The following FGF14 variants were observed in gnomAD, a reference collection of about 807,000 sequenced individuals.
FGF14 encodes fibroblast growth factor homologous factor 4.
FGF14 carries 5 observed loss-of-function variants against 25.5 expected under a neutral mutation model. That is an observed-to-expected ratio of 0.20 (90% CI 0.10 to 0.41). The LOEUF (loss-of-function observed/expected upper bound fraction) is 0.41. Among genes scored for constraint, FGF14 ranks in the 10% least tolerant of loss-of-function variants. The pLI is 1.00. For missense variants in FGF14, 222 were observed against 320.1 expected, an observed-to-expected ratio of 0.69 and a Z score of 2.34; for synonymous variants, 138 against 118.3, an observed-to-expected ratio of 1.17 and a Z score of -1.08.
chr13:102,034,046 T>C (rs527993457), intron 1 of FGF14, among the ~76,000 whole-genome samples: 3 of 152,252 alleles, frequency 2.0e-5, no homozygotes, highest in Non-Finnish European at 2.9e-5. Flanking sequence ...TTTCAACAGC[T>C]GTGCCTCTCT....
At chr13:102,311,981 A>G (rs2138687868) in intron 1 of FGF14, among the ~76,000 whole-genome samples, 1 of 152,268 alleles carries the variant, frequency 6.6e-6, no homozygotes, top group East Asian at 1.9e-4. Context: ...TTAATGTTTC[A>G]TATTTATGGG....
At chr13:102,335,439 T>G (rs138593086) in intron 1 of FGF14, among the ~76,000 whole-genome samples, 56 of 151,572 alleles carry the variant, frequency 3.7e-4, no homozygotes, top group African/African-American at 1.3e-3. Flanking sequence ...TCAATAAGAG[T>G]AGTCTTTTGT....
chr13:102,195,052 C>T lies in FGF14; in HGVS notation c.208+206419G>A, dbSNP rs189987926. The stretch of plus-strand genomic sequence containing the variant: ...AATGAAAAAAAAAGTGAAGACATTG[C>T]CATATAAACAAATGGAAATAATTTG... On this transcript the variant is annotated intron_variant, in intron 1 of 4. Transcript: ENST00000376131. Among the ~76,000 whole-genome samples, 3 of 152,078 alleles carry T rather than the reference C, an allele frequency of 2.0e-5. No homozygotes were observed. In the East Asian group the frequency reaches 5.8e-4, roughly 29 times the overall value.
intron 1 of FGF14, among the ~76,000 whole-genome samples, chr13:102,173,017 G>A (rs1402574268): frequency 6.6e-6 from 1 of 152,100 alleles, no homozygotes; most frequent in Non-Finnish European, 1.5e-5. Context: ...GGCCAAATGG[G>A]CATATCAGCT....
intron 3 of FGF14, among the ~76,000 whole-genome samples, chr13:101,867,593 C>T (rs535736782): frequency 6.6e-6 from 1 of 151,952 alleles, no homozygotes; most frequent in Non-Finnish European, 1.5e-5. Flanking sequence ...GAAAGTAATC[C>T]TTTTCGTATT....
intron 1 of FGF14, among the ~76,000 whole-genome samples, chr13:102,234,626 T>G (rs1041914596): frequency 6.6e-6 from 1 of 152,204 alleles, no homozygotes; most frequent in African/African-American, 2.4e-5. Context: ...TTTCAACATT[T>G]TTTTCTGAAA....
At chr13:101,898,044 G>A (rs984562460) in intron 1 of FGF14, among the ~76,000 whole-genome samples, 13 of 151,828 alleles carry the variant, frequency 8.6e-5, no homozygotes, top group Non-Finnish European at 1.0e-4. Flanking sequence ...ACAGGTGTGT[G>A]CCACCACGTC....
At chr13:102,262,859 C>T (rs969093940) in intron 1 of FGF14, among the ~76,000 whole-genome samples, 6 of 152,220 alleles carry the variant, frequency 3.9e-5, no homozygotes, top group Non-Finnish European at 7.4e-5. Context: ...AAAGGTCTCA[C>T]GTATTTATTA....
At chr13:102,290,224 A>G (rs2054310773) in intron 1 of FGF14, among the ~76,000 whole-genome samples, 1 of 151,990 alleles carries the variant, frequency 6.6e-6, no homozygotes, top group Non-Finnish European at 1.5e-5. Flanking sequence ...CACAAATGGG[A>G]TTAGTGCCTT....
intron 1 of FGF14, among the ~76,000 whole-genome samples, chr13:101,903,637 G>A (rs1387142699): frequency 6.6e-6 from 1 of 152,122 alleles, no homozygotes; most frequent in Non-Finnish European, 1.5e-5. Context: ...TAGGGAAGGA[G>A]GGAGGGCTGT....
intron 1 of FGF14, among the ~76,000 whole-genome samples, chr13:101,989,741 C>G (rs1181288651): frequency 6.6e-6 from 1 of 152,106 alleles, no homozygotes; most frequent in Non-Finnish European, 1.5e-5. Flanking sequence ...AAGAGGTAAG[C>G]AAGCCTTCTG....
chr13:102,185,023 G>T (rs1372590708), intron 1 of FGF14, among the ~76,000 whole-genome samples: 2 of 151,924 alleles, frequency 1.3e-5, no homozygotes, highest in Admixed American at 1.3e-4. Flanking sequence ...TAATAATATA[G>T]GGAAATTTAA....
At chr13:101,824,463 G>C (rs2042306712) in intron 3 of FGF14, among the ~76,000 whole-genome samples, 1 of 152,068 alleles carries the variant, frequency 6.6e-6, no homozygotes, top group Admixed American at 6.6e-5. Context: ...CTCCTTTCTT[G>C]AGATGATGTC....
intron 1 of FGF14, among the ~76,000 whole-genome samples, chr13:102,077,082 A>G (rs1280465482): frequency 6.6e-6 from 1 of 152,200 alleles, no homozygotes; most frequent in African/African-American, 2.4e-5. Flanking sequence ...CCACATGCAG[A>G]AGGATAAAAT....
chr13:102,234,128 G>T (rs1275939421), intron 1 of FGF14, among the ~76,000 whole-genome samples: 1 of 152,106 alleles, frequency 6.6e-6, no homozygotes, highest in Non-Finnish European at 1.5e-5. Flanking sequence ...GGTGGTGATG[G>T]TTGTACACAT....
Position 102,327,803 on chromosome 13 carries a change from C to T in FGF14, c.208+73668G>A, listed in dbSNP as rs376990285. On this transcript the variant is annotated intron_variant, in intron 1 of 4. Coordinates refer to the FGF14 transcript ENST00000376131. ...GCAGTGAGCCATGGTGGTGCCACTG[C>T]ACCCCAATCTGACAGAGTGAGACCA... Among the ~76,000 whole-genome samples the T allele has an allele frequency of 2.7e-5, 4 of 150,836 alleles. No individual in the cohort carries two copies. The East Asian group carries it at 7.8e-4, about 29-fold the overall frequency.
chr13:102,053,560 G>A (rs1421581669), intron 1 of FGF14, among the ~76,000 whole-genome samples: 1 of 152,074 alleles, frequency 6.6e-6, no homozygotes, highest in African/African-American at 2.4e-5. Flanking sequence ...GAAAATGTAT[G>A]GGGTATAGTA....
chr13:102,168,806 C>G (rs2048124395), intron 1 of FGF14, among the ~76,000 whole-genome samples: 1 of 152,040 alleles, frequency 6.6e-6, no homozygotes, highest in Non-Finnish European at 1.5e-5. Context: ...TGATAATGTT[C>G]TTCAGAGGTG....
chr13:101,761,713 A>G (rs567784394), intron 3 of FGF14, among the ~76,000 whole-genome samples: 2 of 152,236 alleles, frequency 1.3e-5, no homozygotes, highest in South Asian at 4.1e-4. Context: ...ACTATATATA[A>G]AAACATCACT....
Sources: allele counts gnomAD v4.1 joint callset (sites outside exome capture counted in the v4.1 genomes callset), GRCh38; gene constraint gnomAD v4.1.1; transcripts MANE v1.5; gene names NCBI Gene and HGNC (gene_info 2026-07-23, HGNC 2026-07-21).